MLF1: variants seen among roughly 807,000 people sequenced by gnomAD.
The protein encoded by MLF1 is myeloid leukemia factor 1.
A neutral mutation model predicts 38.3 loss-of-function variants in MLF1; 37 were observed. The observed-to-expected ratio is 0.96, with a 90% CI of 0.74 to 1.27. MLF1 has a LOEUF of 1.27. MLF1 is among the 50% of genes most tolerant of loss of function. The probability of loss-of-function intolerance (pLI) is 0.00; values close to 1 mark genes in which losing one functional copy is unlikely to be tolerated. For synonymous variants in MLF1, 95 were observed against 106.5 expected, an observed-to-expected ratio of 0.89 and a Z score of 0.66; for missense variants, 331 against 349.2, an observed-to-expected ratio of 0.95 and a Z score of 0.42.
chr3:158,592,401 T>C (rs1560105899), intron 1 of MLF1, 33 bp from the exon 2 acceptor site: 1 of 1,572,676 alleles, frequency 6.4e-7, no homozygotes, highest in African/African-American at 1.4e-5. Context: ...ACTCCAACAC[T>C]GAATCTTTCA....
At chr3:158,588,855 T>C (rs922120209) in intron 1 of MLF1, 3 of 456,480 alleles carry the variant, frequency 6.6e-6, no homozygotes, top group African/African-American at 4.0e-5. Flanking sequence ...TTCTCAGACA[T>C]ACAGGTGGTC....
chr3:158,591,388 G>T (rs61292339), intron 1 of MLF1, among the ~76,000 whole-genome samples: 28,491 of 151,758 alleles, frequency 0.19, 3,090 homozygotes, highest in African/African-American at 0.3. Context: ...TTGAACTCCC[G>T]ACCTCAAGCA....
At chr3:158,589,935 C>T in intron 1 of MLF1, among the ~76,000 whole-genome samples, 1 of 152,194 alleles carries the variant, frequency 6.6e-6, no homozygotes, top group East Asian at 1.9e-4. Flanking sequence ...ACTACTATCT[C>T]CTTCTCATAA....
chr3:158,592,345 C>A, intron 1 of MLF1, 89 bp from the exon 2 acceptor site: 1 of 1,139,208 alleles, frequency 8.8e-7, no homozygotes, highest in Non-Finnish European at 1.2e-6. Flanking sequence ...AACATATTAG[C>A]CCAAAATAAT....
intron 3 of MLF1, among the ~76,000 whole-genome samples, chr3:158,595,758 TAAAAATCC>T (rs781138209): frequency 1.4e-4 from 21 of 152,114 alleles, no homozygotes; most frequent in Non-Finnish European, 2.9e-4. Context: ...ATTATATCTG[TAAAAATCC>T]AATAGCAATA....
chr3:158,582,738 C>T, intron 1 of MLF1: 1 of 540,984 alleles, frequency 1.8e-6, no homozygotes, highest in Non-Finnish European at 3.2e-6. Flanking sequence ...AATTCTGTAT[C>T]CTGCAAAATT....
rs553392455 is a variant in MLF1, at chr3:158,595,095, G to A, written c.240+1669G>A. 2.0e-5 allele frequency among the ~76,000 whole-genome samples: 3 copies of A among 152,240 alleles called. No homozygotes were observed. The South Asian group carries it at 6.2e-4, about 32-fold the overall frequency. ...TGCCCTCAGAGATTATTTTTATAAA[G>A]TGGGAAGATAGACAATAAACAACAA... On this transcript the variant is annotated intron_variant, in intron 3 of 7. Coordinates refer to ENST00000466246, the MANE Select transcript of MLF1 (RefSeq NM_001369783.1).
At chr3:158,574,767 C>A (rs895324999) in intron 1 of MLF1, among the ~76,000 whole-genome samples, 1 of 151,322 alleles carries the variant, frequency 6.6e-6, no homozygotes, top group African/African-American at 2.4e-5. Context: ...ATTACATAAG[C>A]TCTGGCTTTC....
At chr3:158,597,734 A>C (rs531611892) in intron 4 of MLF1, among the ~76,000 whole-genome samples, 2 of 152,298 alleles carry the variant, frequency 1.3e-5, no homozygotes, top group South Asian at 4.1e-4. Context: ...TGACTATAGA[A>C]GTATCACAGG....
At chr3:158,578,695 T>G (rs1434803263) in intron 1 of MLF1, among the ~76,000 whole-genome samples, 1 of 152,090 alleles carries the variant, frequency 6.6e-6, no homozygotes, top group African/African-American at 2.4e-5. Flanking sequence ...AGACCAAAGT[T>G]TATTCAGTTT....
At chr3:158,573,756 G>A (rs1714938832) in intron 1 of MLF1, among the ~76,000 whole-genome samples, 1 of 152,140 alleles carries the variant, frequency 6.6e-6, no homozygotes, top group African/African-American at 2.4e-5. Context: ...TAAAATAAGA[G>A]TTTATTGCAC....
At chr3:158,596,375 G>C (rs1042336248) in intron 3 of MLF1, among the ~76,000 whole-genome samples, 1 of 152,080 alleles carries the variant, frequency 6.6e-6, no homozygotes, top group Admixed American at 6.6e-5. Context: ...AGGAAGGCTG[G>C]CTACTTACTC....
intron 1 of MLF1, among the ~76,000 whole-genome samples, chr3:158,581,558 T>C (rs767064172): frequency 6.6e-6 from 1 of 152,192 alleles, no homozygotes; most frequent in Non-Finnish European, 1.5e-5. Context: ...GTTAATCTTA[T>C]GACTACAGAA....
Position 158,600,019 on chromosome 3 carries a change from G to A in MLF1, c.459G>A (p.Lys153=). Reference sequence around the variant, plus strand: ...AAATTTCTTTATTTTTACAGATAAAGGAAACCAGGAAAGCAATGAGAGATT... The same window carrying A: ...AAATTTCTTTATTTTTACAGATAAAAGAAACCAGGAAAGCAATGAGAGATT... ...TQTRRAPGGI[K]ETRKAMRDSD... Residue 153 remains lysine (K), a synonymous_variant, in exon 6 of 8, where the codon AAG becomes AAA. Transcript: ENST00000466246. 1 of 1,387,968 alleles carries A rather than the reference G, an allele frequency of 7.2e-7. No individual in the cohort carries two copies. The highest frequency in any genetic ancestry group is 9.4e-7 in the Non-Finnish European group (1 of 1,064,020). The allele number at this position is 1,387,968 out of a possible 1,614,324, so 86.0% of individuals were successfully genotyped here. A position where few individuals can be genotyped will look rare whatever the true frequency, so the allele number is the denominator to read the frequency against.
In MLF1 at chr3:158,588,153, A is replaced by G. The variant is rs533843441; in HGVS notation, c.48-4281A>G. 4.3e-3 allele frequency among the ~76,000 whole-genome samples: 662 copies of G among 152,268 alleles called. 2 individuals carry two copies. The highest frequency in any genetic ancestry group is 7.7e-3 in the Non-Finnish European group (527 of 68,036). ...ATGAGCTTAGAAGCAGATTTTTGAG[A>G]CTAGCCAATAGCTGTGTGAAGGAAC... On this transcript the variant is annotated intron_variant, in intron 1 of 7. Coordinates refer to ENST00000466246, the MANE Select transcript of MLF1 (RefSeq NM_001369783.1).
chr3:158,596,367 G>A (rs1427623932), intron 3 of MLF1, among the ~76,000 whole-genome samples: 1 of 152,066 alleles, frequency 6.6e-6, no homozygotes, highest in Non-Finnish European at 1.5e-5. Context: ...ATGATGAGAG[G>A]AAGGCTGGCT....
chr3:158,582,857 G>C (rs1716622558), intron 1 of MLF1: 1 of 685,206 alleles, frequency 1.5e-6, no homozygotes, highest in Non-Finnish European at 2.6e-6. Flanking sequence ...GTTCTTCAGA[G>C]AGAAGGAAAA....
At chr3:158,602,684 C>G in intron 6 of MLF1, 123 bp from the exon 7 acceptor site, 1 of 815,170 alleles carries the variant, frequency 1.2e-6, no homozygotes. Flanking sequence ...AAGCAGCTTC[C>G]TGCCTCTGTA....
rs187768498 is a variant in MLF1, at chr3:158,589,791, A to G, written c.48-2643A>G. ...CTAAAATCAAGGTGTTGGCAGGGCT[A>G]CATTCCTTCTGGAGTTTATGGGGGT... On this transcript the variant is annotated intron_variant, in intron 1 of 7. Coordinates refer to ENST00000466246, the MANE Select transcript of MLF1 (RefSeq NM_001369783.1). 4.9e-4 allele frequency among the ~76,000 whole-genome samples: 75 copies of G among 152,332 alleles called. No individual in the cohort carries two copies. In the South Asian group the frequency reaches 0.012, roughly 25 times the overall value.
Sources: allele counts gnomAD v4.1 joint callset (sites outside exome capture counted in the v4.1 genomes callset), GRCh38; gene constraint gnomAD v4.1.1; transcripts MANE v1.5; gene names NCBI Gene and HGNC (gene_info 2026-07-23, HGNC 2026-07-21).